Variants in F12 observed in about 807,000 individuals in gnomAD.
F12 encodes the protein coagulation factor XII.
In F12, 70 loss-of-function variants were observed where a neutral mutation model predicts 74.8. That is an observed-to-expected ratio of 0.94 (90% CI 0.77 to 1.14). The LOEUF (loss-of-function observed/expected upper bound fraction) is 1.14. Ranked by LOEUF, F12 falls within the 50% of genes most tolerant of loss-of-function variation. The pLI, the probability that F12 is intolerant of heterozygous loss-of-function variation, is 0.00. For synonymous variants in F12, 373 were observed against 356.4 expected (o/e 1.05, Z -0.52); for missense variants, 811 against 835.7 (o/e 0.97, Z 0.36).
In F12 at chr5:177,402,330, A is replaced by G. The variant is rs140802218; in HGVS notation, c.1810T>C (p.Tyr604His). Residue 604 changes from tyrosine (Y) to histidine (H), a missense_variant, in exon 14 of 14, where the codon TAC (tyrosine) becomes CAC (histidine). Transcript: ENST00000253496. ...TGCTCCCGGATCCAGGCCAGGTAGTAGGCCACATCGGTGTAGACGCCTGGC... is the reference window on the plus strand; with the variant it reads ...TGCTCCCGGATCCAGGCCAGGTAGTGGGCCACATCGGTGTAGACGCCTGGC... ...NKPGVYTDVA[Y>H]YLAWIREHTV... 6.2e-7 allele frequency: 1 copy of G among 1,613,868 alleles called. No homozygotes were observed. The highest frequency in any genetic ancestry group is 8.5e-7 in the Non-Finnish European group (1 of 1,180,008).
intron 1 of F12, 60 bp downstream of exon 1, chr5:177,409,411 G>T: frequency 6.3e-7 from 1 of 1,582,758 alleles, no homozygotes; most frequent in African/African-American, 1.3e-5. Flanking sequence ...CATGGCTCAT[G>T]GCTGTGATAG....
Position 177,404,324 on chromosome 5 carries a change from G to T in F12, c.890C>A (p.Thr297Asn), listed in dbSNP as rs761464250. 6.2e-7 allele frequency: 1 copy of T among 1,609,922 alleles called. No homozygotes were observed. The highest frequency in any genetic ancestry group is 8.5e-7 in the Non-Finnish European group (1 of 1,178,476). The part of the protein sequence containing the change: ...WEYCDLAQCQ[T>N]PTQAAPPTPV... ...GGTCGGAGGCGCCGCCTGGGTTGGG[G>T]TCTGGCACTGTGCCAGGTCGCAGTA... The change falls in exon 9 of 14, where the codon ACC becomes AAC. Residue 297 changes from threonine (T) to asparagine (N), a missense_variant. Coordinates refer to ENST00000253496, the MANE Select transcript of F12 (RefSeq NM_000505.4).
chr5:177,404,400 CGTT>C lies in F12; in HGVS notation c.811_813del (p.Asn271del), dbSNP rs1271487181. 1.2e-6 allele frequency: 2 copies of C among 1,611,828 alleles called. No individual in the cohort carries two copies. Among genetic ancestry groups the C allele is most frequent in the East Asian group, 4.5e-5 (2 of 44,836 alleles). Reference sequence around the variant, plus strand: ...AGCACGAAGCACCACGGGCGGATGTCGTTGTCCGGGTTCCTGTAGCCACACGAC... The same window carrying C: ...AGCACGAAGCACCACGGGCGGATGTCGTCCGGGTTCCTGTAGCCACACGAC... On this transcript the variant is annotated inframe_deletion, in exon 9 of 14. Transcript: ENST00000253496.
rs774520560 is a variant in F12 at position 177,402,451 on chromosome 5, G to A, written c.1689C>T (p.Ser563=). Residue 563 remains serine (S), a synonymous_variant, in exon 14 of 14, where the codon TCC becomes TCT. Transcript: ENST00000253496. ...EGGTDACQGD[S]GGPLVCEDQA... Reference sequence around the variant, plus strand: ...GGTCCTCACACACCAGCGGGCCTCCGGAATCACCCTGGGTCGGAAACACGC... The same window carrying A: ...GGTCCTCACACACCAGCGGGCCTCCAGAATCACCCTGGGTCGGAAACACGC... The A allele has an allele frequency of 8.7e-6, 14 of 1,607,252 alleles. No individual in the cohort carries two copies. The East Asian group carries it at 1.6e-4, about 18-fold the overall frequency.
intron 2 of F12, among the ~76,000 whole-genome samples, chr5:177,408,169 C>T (rs890092116): frequency 6.6e-6 from 1 of 151,978 alleles, no homozygotes; most frequent in Non-Finnish European, 1.5e-5. Context: ...AATTCTTCTG[C>T]CTCAGCCTCC....
In F12 at chr5:177,402,142, C is replaced by T. The variant is rs1319305803; in HGVS notation, c.*150G>A. On this transcript the variant is annotated 3_prime_UTR_variant, in exon 14 of 14. Transcript: ENST00000253496. ...CCATGAAGAAAAGAGCTTTCCTTCT[C>T]AGCATTTTCAAAGCACTTTATTGAG... 2.0e-6 allele frequency: 2 copies of T among 1,024,276 alleles called. No individual in the cohort carries two copies. Among genetic ancestry groups the T allele is most frequent in the Non-Finnish European group, 2.9e-6 (2 of 687,110 alleles). 63.4% of individuals were successfully genotyped at this position (1,024,276 alleles called of 1,614,324 possible).
chr5:177,402,349 G>T lies in F12; in HGVS notation c.1791C>A (p.Gly597=). 1 of 1,613,742 alleles carries T rather than the reference G, an allele frequency of 6.2e-7. No homozygotes were observed. Among genetic ancestry groups the T allele is most frequent in the Non-Finnish European group, 8.5e-7 (1 of 1,179,990 alleles). The change falls in exon 14 of 14, where the codon GGC becomes GGA. Residue 597 remains glycine (G), a synonymous_variant. Transcript: ENST00000253496. The part of the protein sequence containing the change: ...GSGCGDRNKP[G]VYTDVAYYLA... ...GGTAGTAGGCCACATCGGTGTAGACGCCTGGCTTGTTGCGGTCACCACAGC... is the reference window on the plus strand; with the variant it reads ...GGTAGTAGGCCACATCGGTGTAGACTCCTGGCTTGTTGCGGTCACCACAGC...
intron 2 of F12, among the ~76,000 whole-genome samples, chr5:177,408,346 G>C (rs942093120): frequency 6.6e-6 from 1 of 152,172 alleles, no homozygotes; most frequent in Non-Finnish European, 1.5e-5. Flanking sequence ...GAGCCACCAT[G>C]CCTGGCATGT....
chr5:177,403,324 C>G lies in F12; in HGVS notation c.1461G>C (p.Leu487=), dbSNP rs1763189069. Residue 487 remains leucine, a synonymous_variant, in exon 12 of 14, where the codon CTG becomes CTC. Coordinates refer to ENST00000253496, the MANE Select transcript of F12 (RefSeq NM_000505.4). ...CGGAGGGTCGCGCGGCGCCGCTTGG[C>G]AGGCACACCGGCTGAACGTAAGGCG... The part of the protein sequence containing the change: ...LLSPYVQPVC[L]PSGAARPSET... 1 of 1,599,354 alleles carries G rather than the reference C, an allele frequency of 6.3e-7. No homozygotes were observed. Among genetic ancestry groups the G allele is most frequent in the African/African-American group, 1.3e-5 (1 of 74,918 alleles).
chr5:177,405,873 C>T, intron 3 of F12, 68 bp from the exon 4 acceptor site: 1 of 1,603,556 alleles, frequency 6.2e-7, no homozygotes, highest in Non-Finnish European at 8.5e-7. Context: ...ATCACAGTCC[C>T]CTCTCTCCAA....
chr5:177,406,857 T>C (rs950378294), intron 2 of F12, among the ~76,000 whole-genome samples: 2 of 152,236 alleles, frequency 1.3e-5, no homozygotes, highest in Non-Finnish European at 2.9e-5. Flanking sequence ...ATTTGCACAT[T>C]CCCAGTTAAG....
At position 177,402,702 on chromosome 5, in the gene F12, C is replaced by A. The variant is rs1365677000; in HGVS notation, c.1532-4G>T. The A allele has an allele frequency of 1.5e-5, 24 of 1,611,230 alleles. No homozygotes were observed. The highest frequency in any genetic ancestry group is 2.1e-4 in the Middle Eastern group (1 of 4,696). The stretch of plus-strand genomic sequence containing the variant: ...AAGCTGGCATATTCCTCCGCCCCTG[C>A]GAACACAGAGCGCCTTCTTCACACC... On this transcript the variant is annotated splice_polypyrimidine_tract_variant and splice_region_variant and intron_variant, in intron 12 of 13. Coordinates refer to ENST00000253496, the MANE Select transcript of F12 (RefSeq NM_000505.4).
chr5:177,406,301 A>C (rs1763291611), intron 2 of F12, among the ~76,000 whole-genome samples: 1 of 151,558 alleles, frequency 6.6e-6, no homozygotes, highest in South Asian at 2.1e-4. Context: ...ATCCTGGCTA[A>C]TACAGTGAAA....
chr5:177,403,176 A>G, intron 12 of F12, 78 bp downstream of exon 12: 1 of 1,582,130 alleles, frequency 6.3e-7, no homozygotes, highest in African/African-American at 1.3e-5. Context: ...GAACGATACC[A>G]AAGTCGCGGG....
Position 177,403,248 on chromosome 5 carries a change from GCCTAC to G in F12, c.1531+1_1531+5del, listed in dbSNP as rs1561640010. The G allele has an allele frequency of 6.2e-7, 1 of 1,600,466 alleles. No individual in the cohort carries two copies. The highest frequency in any genetic ancestry group is 2.2e-5 in the East Asian group (1 of 44,854). ...CCCTACCCCTGCCCCTAGCAGTTGT[GCCTAC>G]CCTCGAACTGGTGGCCCCAGCCGGC... is the stretch of plus-strand genomic sequence containing the variant. On this transcript the variant is annotated splice_donor_variant and splice_donor_5th_base_variant and intron_variant, in intron 12 of 13. Coordinates refer to ENST00000253496, the MANE Select transcript of F12 (RefSeq NM_000505.4). LOFTEE classifies it high-confidence loss of function.
intron 10 of F12, 87 bp from the exon 11 acceptor site, chr5:177,403,704 G>A: frequency 2.6e-6 from 4 of 1,544,398 alleles, no homozygotes; most frequent in Non-Finnish European, 3.5e-6. Flanking sequence ...CCCCAATCCC[G>A]TGTTCCAGCT....
At position 177,409,552 on chromosome 5, in the gene F12, C is replaced by T. The variant is rs886060472; in HGVS notation, c.-25G>A. The T allele has an allele frequency of 1.9e-6, 3 of 1,613,150 alleles. No individual in the cohort carries two copies. Among genetic ancestry groups the T allele is most frequent in the Non-Finnish European group, 2.5e-6 (3 of 1,179,282 alleles). Reference sequence around the variant, plus strand: ...TGGCATCCGTCCGTTGGTCCAGCTGCCTATCCAGGAGTCCAGATCAATAGG... The same window carrying T: ...TGGCATCCGTCCGTTGGTCCAGCTGTCTATCCAGGAGTCCAGATCAATAGG... On this transcript the variant is annotated 5_prime_UTR_variant, in exon 1 of 14. Transcript: ENST00000253496.
chr5:177,407,421 A>G (rs147392511), intron 2 of F12, among the ~76,000 whole-genome samples: 1 of 152,312 alleles, frequency 6.6e-6, no homozygotes, highest in African/African-American at 2.4e-5. Flanking sequence ...GTTCAAGGCA[A>G]AGTGCACTTG....
intron 2 of F12, among the ~76,000 whole-genome samples, chr5:177,406,306 G>A (rs977191060): frequency 6.6e-6 from 1 of 152,140 alleles, no homozygotes; most frequent in Non-Finnish European, 1.5e-5. Context: ...GGCTAATACA[G>A]TGAAACCCCC....
Sources: allele counts gnomAD v4.1 joint callset (sites outside exome capture counted in the v4.1 genomes callset), GRCh38; gene constraint gnomAD v4.1.1; transcripts MANE v1.5; gene names NCBI Gene and HGNC (gene_info 2026-07-23, HGNC 2026-07-21).